Variants in SLC22A17 observed in about 807,000 individuals in gnomAD.
The protein encoded by SLC22A17 is 24p3 receptor.
Under a neutral mutation model 53.6 loss-of-function variants are expected in SLC22A17, and 38 were observed. The observed-to-expected ratio is 0.71, with a 90% CI of 0.55 to 0.93. The LOEUF (loss-of-function observed/expected upper bound fraction) is 0.93. Among genes scored for constraint, SLC22A17 ranks in the 40% least tolerant of loss-of-function variants. The pLI, the probability that SLC22A17 is intolerant of heterozygous loss-of-function variation, is 0.00. For missense variants in SLC22A17, 704 were observed against 791.0 expected, an observed-to-expected ratio of 0.89 and a Z score of 1.32; for synonymous variants, 379 against 353.0, an observed-to-expected ratio of 1.07 and a Z score of -0.82.
chr14:23,347,308 C>T lies in SLC22A17; in HGVS notation c.1550-96G>A, dbSNP rs1027694964. The T allele has an allele frequency of 4.8e-6, 7 of 1,471,812 alleles. No homozygotes were observed. The African/African-American group carries it at 7.0e-5, about 15-fold the overall frequency. 91.2% of individuals were successfully genotyped at this position (1,471,812 alleles called of 1,614,324 possible). ...CCCTTGGCTCTCTGTTCCCATGGCT[C>T]TAGCTGGGCAGGCTCTGGGCATTCA... On this transcript the variant is annotated intron_variant, in intron 8 of 9. Coordinates refer to ENST00000397267, the Ensembl canonical transcript of SLC22A17. This position sits in a 1 kb window ranked among gnomAD's most constrained non-coding sequence, Gnocchi z 5.1.
rs1281101972 is a variant in SLC22A17, at chr14:23,346,589, C to T, written c.*59G>A. On this transcript the variant is annotated 3_prime_UTR_variant, in exon 10 of 10. Transcript: ENST00000397267. The stretch of plus-strand genomic sequence containing the variant: ...CCCTGCCTTCCCTACTCAGTCTTCC[C>T]GATCTTCTTGCCACCTTTCTGTGTG... 7 of 1,431,426 alleles carry T rather than the reference C, an allele frequency of 4.9e-6. No individual in the cohort carries two copies. The East Asian group carries it at 7.5e-5, about 15-fold the overall frequency. The allele number at this position is 1,431,426 out of a possible 1,614,324, so 88.7% of individuals were successfully genotyped here.
chr14:23,352,529 G>A lies in SLC22A17; in HGVS notation c.97-78C>T, dbSNP rs1257992445. The A allele has an allele frequency of 1.2e-5, 5 of 427,912 alleles. No homozygotes were observed. Among genetic ancestry groups the A allele is most frequent in the Non-Finnish European group, 2.0e-5 (5 of 245,606 alleles). The allele number at this position is 427,912 out of a possible 1,614,324, so 26.5% of individuals were successfully genotyped here. A position where few individuals can be genotyped will look rare whatever the true frequency, so the allele number is the denominator to read the frequency against. On this transcript the variant is annotated intron_variant, in intron 1 of 9. Coordinates refer to ENST00000397267, the Ensembl canonical transcript of SLC22A17. This position sits in a 1 kb window ranked among gnomAD's most constrained non-coding sequence, Gnocchi z 7.2. ...AGCAAGGGCAGGGGGCAGGTGGGAG[G>A]GAGGGCTAGGAAGGCAGTCAGGGGC... is the stretch of plus-strand genomic sequence containing the variant.
chr14:23,347,001 C>T lies in SLC22A17; in HGVS notation c.1662-65G>A, dbSNP rs1299647833. On this transcript the variant is annotated intron_variant, in intron 9 of 9. Coordinates refer to ENST00000397267, the Ensembl canonical transcript of SLC22A17. The surrounding 1 kb of genome is among the most constrained non-coding windows in gnomAD (Gnocchi z 5.1). ...GCCTTGCTGGGCCCTTCTCCCGCAGCCCCCCTCCTCCAGCCCGCAGGCCCT... is the reference window on the plus strand; with the variant it reads ...GCCTTGCTGGGCCCTTCTCCCGCAGTCCCCCTCCTCCAGCCCGCAGGCCCT... 2 of 1,495,952 alleles carry T rather than the reference C, an allele frequency of 1.3e-6. No individual in the cohort carries two copies. Among genetic ancestry groups the T allele is most frequent in the South Asian group, 1.3e-5 (1 of 75,886 alleles). 92.7% of individuals were successfully genotyped at this position (1,495,952 alleles called of 1,614,324 possible).
chr14:23,348,842 T>C lies in SLC22A17; in HGVS notation c.860-171A>G. 1.5e-6 allele frequency: 1 copy of C among 686,730 alleles called. No homozygotes were observed. Among genetic ancestry groups the C allele is most frequent in the African/African-American group, 1.8e-5 (1 of 55,536 alleles). The allele number at this position is 686,730 out of a possible 1,614,324, so 42.5% of individuals were successfully genotyped here. On this transcript the variant is annotated intron_variant, in intron 4 of 9. Transcript: ENST00000397267. The surrounding 1 kb of genome is among the most constrained non-coding windows in gnomAD (Gnocchi z 4.5). ...TCTGGGTGGCAAGGACTGGGGAGAC[T>C]GTTCAGCCCTCTCTCCTCTCCTGCT...
Position 23,348,741 on chromosome 14 carries a change from A to G in SLC22A17, c.860-70T>C. Reference sequence around the variant, plus strand: ...GGAAGAAGGCATAAGAGAGAAGAAGAAAGAGGGAGGGAGGAGGACAGAGAG... The same window carrying G: ...GGAAGAAGGCATAAGAGAGAAGAAGGAAGAGGGAGGGAGGAGGACAGAGAG... On this transcript the variant is annotated intron_variant, in intron 4 of 9. Coordinates refer to ENST00000397267, the Ensembl canonical transcript of SLC22A17. This position sits in a 1 kb window ranked among gnomAD's most constrained non-coding sequence, Gnocchi z 4.5. 6.8e-7 allele frequency: 1 copy of G among 1,472,604 alleles called. No homozygotes were observed. Among genetic ancestry groups the G allele is most frequent in the South Asian group, 1.3e-5 (1 of 74,230 alleles). The allele number at this position is 1,472,604 out of a possible 1,614,324, so 91.2% of individuals were successfully genotyped here.
chr14:23,348,145 G>T lies in SLC22A17; in HGVS notation c.1171+16C>A. The T allele has an allele frequency of 6.2e-7, 1 of 1,613,736 alleles. No homozygotes were observed. Among genetic ancestry groups the T allele is most frequent in the Non-Finnish European group, 8.5e-7 (1 of 1,179,898 alleles). The stretch of plus-strand genomic sequence containing the variant: ...GTGCAAGTGAGGCAACACTCACAGG[G>T]ATCCCTGTCTCTTACCCTGCAGGGC... On this transcript the variant is annotated intron_variant, in intron 6 of 9. Coordinates refer to ENST00000397267, the Ensembl canonical transcript of SLC22A17. This position sits in a 1 kb window ranked among gnomAD's most constrained non-coding sequence, Gnocchi z 4.5.
At chr14:23,349,140 G>T (rs749462561) in intron 4 of SLC22A17, 132 bp downstream of exon 4, 2 of 1,173,230 alleles carry the variant, frequency 1.7e-6, no homozygotes, top group Non-Finnish European at 2.5e-6. Flanking sequence ...TTCTTCAAGG[G>T]GGCCTGGGCA....
chr14:23,350,629 T>C (rs1321055763), intron 3 of SLC22A17, among the ~76,000 whole-genome samples: 1 of 151,904 alleles, frequency 6.6e-6, no homozygotes, highest in African/African-American at 2.4e-5. Flanking sequence ...TCCCTGGGAG[T>C]TAGGCTATTG....
chr14:23,348,817 T>A lies in SLC22A17; in HGVS notation c.860-146A>T. On this transcript the variant is annotated intron_variant, in intron 4 of 9. Transcript: ENST00000397267. This position sits in a 1 kb window ranked among gnomAD's most constrained non-coding sequence, Gnocchi z 4.5. The stretch of plus-strand genomic sequence containing the variant: ...GCAGCCATTGCCTCCCTTGCTAACC[T>A]CTGGGTGGCAAGGACTGGGGAGACT... 4.7e-6 allele frequency: 4 copies of A among 854,230 alleles called. No individual in the cohort carries two copies. The highest frequency in any genetic ancestry group is 5.3e-6 in the Non-Finnish European group (3 of 568,652). The allele number at this position is 854,230 out of a possible 1,614,324, so 52.9% of individuals were successfully genotyped here.
At position 23,347,807 on chromosome 14, in the gene SLC22A17, C is replaced by T. The variant is rs1236468688; in HGVS notation, c.1278-76G>A. The T allele has an allele frequency of 5.0e-6, 8 of 1,611,472 alleles. No homozygotes were observed. Among genetic ancestry groups the T allele is most frequent in the Non-Finnish European group, 6.8e-6 (8 of 1,178,508 alleles). On this transcript the variant is annotated intron_variant, in intron 7 of 9. Transcript: ENST00000397267. This position sits in a 1 kb window ranked among gnomAD's most constrained non-coding sequence, Gnocchi z 5.1. Reference sequence around the variant, plus strand: ...AGCCTTCTACAGTGCTGATGGTCCTCCGCAGGGGTCCCCGGGCCTTCCCAC... The same window carrying T: ...AGCCTTCTACAGTGCTGATGGTCCTTCGCAGGGGTCCCCGGGCCTTCCCAC...
Position 23,347,467 on chromosome 14 carries a change from G to A in SLC22A17, c.1542C>T (p.Pro514=). ...TGTGCCTGTCTGAAGCACCTCTGTT[G>A]GGGTTCCCTTGTTGAGCCCACACTG... is the stretch of plus-strand genomic sequence containing the variant. Residue 514 remains proline (P), a synonymous_variant, in exon 8 of 10, where the codon CCC becomes CCT. Coordinates refer to ENST00000397267, the Ensembl canonical transcript of SLC22A17. The surrounding 1 kb of genome is among the most constrained non-coding windows in gnomAD (Gnocchi z 5.1). 4 of 1,613,660 alleles carry A rather than the reference G, an allele frequency of 2.5e-6. No homozygotes were observed. Among genetic ancestry groups the A allele is most frequent in the Non-Finnish European group, 3.4e-6 (4 of 1,179,816 alleles).
chr14:23,348,144 G>A lies in SLC22A17; in HGVS notation c.1171+17C>T, dbSNP rs201148081. 5 of 1,613,728 alleles carry A rather than the reference G, an allele frequency of 3.1e-6. No individual in the cohort carries two copies. In the African/African-American group the frequency reaches 5.3e-5, roughly 17 times the overall value. ...TGTGCAAGTGAGGCAACACTCACAGGGATCCCTGTCTCTTACCCTGCAGGG... is the reference window on the plus strand; with the variant it reads ...TGTGCAAGTGAGGCAACACTCACAGAGATCCCTGTCTCTTACCCTGCAGGG... On this transcript the variant is annotated intron_variant, in intron 6 of 9. Coordinates refer to ENST00000397267, the Ensembl canonical transcript of SLC22A17. This position sits in a 1 kb window ranked among gnomAD's most constrained non-coding sequence, Gnocchi z 4.5.
chr14:23,346,845 G>A, exon 10 of SLC22A17: 1 of 1,539,896 alleles, frequency 6.5e-7, no homozygotes, highest in Non-Finnish European at 8.7e-7. Context: ...ACGTGCTGCA[G>A]GAAGGCTCCA....
chr14:23,347,035 G>C lies in SLC22A17; in HGVS notation c.1661+66C>G, dbSNP rs1257383294. ...TCCAGCCCGCAGGCCCTGTCCTCAG[G>C]GGTGGGGTGGGGGAGCGGGAGGCGA... On this transcript the variant is annotated intron_variant, in intron 9 of 9. Transcript: ENST00000397267. This position sits in a 1 kb window ranked among gnomAD's most constrained non-coding sequence, Gnocchi z 5.1. The C allele has an allele frequency of 1.3e-6, 2 of 1,528,672 alleles. No homozygotes were observed. The highest frequency in any genetic ancestry group is 2.7e-5 in the African/African-American group (2 of 73,294). 94.7% of individuals were successfully genotyped at this position (1,528,672 alleles called of 1,614,324 possible).
intron 3 of SLC22A17, chr14:23,350,997 GCA>G (rs1190242240): frequency 6.6e-6 from 1 of 152,256 alleles, no homozygotes; most frequent in South Asian, 2.1e-4. Flanking sequence ...GAAGTTTAGT[GCA>G]GTGAGAGCAT....
At position 23,352,823 on chromosome 14, in the gene SLC22A17, CACAG is replaced by C. The variant is rs1270365253; in HGVS notation, c.-86_-83del. 5 of 398,308 alleles carry C rather than the reference CACAG, an allele frequency of 1.3e-5. No homozygotes were observed. The Admixed American group carries it at 1.3e-4, about 11-fold the overall frequency. The allele number at this position is 398,308 out of a possible 1,614,324, so 24.7% of individuals were successfully genotyped here. A position where few individuals can be genotyped will look rare whatever the true frequency, so the allele number is the denominator to read the frequency against. On this transcript the variant is annotated 5_prime_UTR_variant, in exon 1 of 10. Transcript: ENST00000397267. The surrounding 1 kb of genome is among the most constrained non-coding windows in gnomAD (Gnocchi z 7.2). The stretch of plus-strand genomic sequence containing the variant: ...CTCAGTTGCGCGCCGGCTGCCCGGA[CACAG>C]ACAGCTCGAAGAGATCCCGCTCTGC...
chr14:23,348,488 G>A lies in SLC22A17; in HGVS notation c.1025+18C>T. 6.2e-7 allele frequency: 1 copy of A among 1,609,980 alleles called. No homozygotes were observed. The highest frequency in any genetic ancestry group is 8.5e-7 in the Non-Finnish European group (1 of 1,177,422). On this transcript the variant is annotated intron_variant, in intron 5 of 9. Transcript: ENST00000397267. The surrounding 1 kb of genome is among the most constrained non-coding windows in gnomAD (Gnocchi z 4.5). The stretch of plus-strand genomic sequence containing the variant: ...AGAGATGGGAATTGCCAGACGACAG[G>A]TGAAGGGTAATACTGACCCATAAAA...
chr14:23,350,527 T>C (rs532543287), intron 3 of SLC22A17, among the ~76,000 whole-genome samples: 8 of 152,244 alleles, frequency 5.3e-5, no homozygotes, highest in African/African-American at 1.9e-4. Context: ...TTACTGATTC[T>C]TGGAGGCTGG....
chr14:23,348,336 G>A lies in SLC22A17; in HGVS notation c.1026-30C>T, dbSNP rs1191037721. The stretch of plus-strand genomic sequence containing the variant: ...GGGCAGGGGGGAAGGGGTATACTGT[G>A]AGGCCTCCCTTCTCCTGATCTAGGG... On this transcript the variant is annotated intron_variant, in intron 5 of 9. Coordinates refer to ENST00000397267, the Ensembl canonical transcript of SLC22A17. This position sits in a 1 kb window ranked among gnomAD's most constrained non-coding sequence, Gnocchi z 4.5. 3.1e-6 allele frequency: 5 copies of A among 1,612,448 alleles called. No homozygotes were observed. Among genetic ancestry groups the A allele is most frequent in the Non-Finnish European group, 4.2e-6 (5 of 1,179,036 alleles).
Sources: allele counts gnomAD v4.1 joint callset (sites outside exome capture counted in the v4.1 genomes callset), GRCh38; gene constraint gnomAD v4.1.1; non-coding constraint Gnocchi (gnomAD v3.1); transcripts MANE v1.5; gene names NCBI Gene and HGNC (gene_info 2026-07-23, HGNC 2026-07-21).